Variants in ROR1 observed in about 807,000 individuals in gnomAD.
ROR1 encodes the protein ROR family WNT receptor 1, also known as inactive tyrosine-protein kinase transmembrane receptor ROR1.
ROR1 carries 19 observed loss-of-function variants against 78.8 expected under a neutral mutation model. The ratio of observed to expected loss-of-function variants is 0.24; its 90% CI spans 0.17 to 0.35. The LOEUF is 0.35. Ranked by LOEUF, ROR1 falls within the 10% of genes least tolerant of loss-of-function variation. The pLI, the probability that ROR1 is intolerant of heterozygous loss-of-function variation, is 1.00. For synonymous variants in ROR1, 386 were observed against 433.6 expected (o/e 0.89, Z 1.36); for missense variants, 917 against 1,177.8 (o/e 0.78, Z 3.24).
intron 1 of ROR1, among the ~76,000 whole-genome samples, chr1:63,852,949 G>T (rs145785658): frequency 1.3e-5 from 2 of 152,292 alleles, no homozygotes; most frequent in East Asian, 3.9e-4. Flanking sequence ...GCTCCACTCA[G>T]ATTTGGAAGA....
chr1:63,974,826 C>G (rs919375604), intron 1 of ROR1, among the ~76,000 whole-genome samples: 4 of 152,090 alleles, frequency 2.6e-5, no homozygotes, highest in Non-Finnish European at 5.9e-5. Flanking sequence ...TTTCTCATAT[C>G]TTTCTCTGAG....
At chr1:63,881,647 T>C (rs916708753) in intron 1 of ROR1, among the ~76,000 whole-genome samples, 1 of 152,224 alleles carries the variant, frequency 6.6e-6, no homozygotes, top group Non-Finnish European at 1.5e-5. Context: ...GGAAAATTTA[T>C]TTTTTAAATG....
intron 2 of ROR1, among the ~76,000 whole-genome samples, chr1:64,022,881 TG>T (rs1444814978): frequency 6.6e-6 from 1 of 152,218 alleles, no homozygotes; most frequent in Non-Finnish European, 1.5e-5. Flanking sequence ...TTTCTGTTGA[TG>T]TTGACATTGC....
chr1:64,034,749 A>C (rs575202920), intron 2 of ROR1, among the ~76,000 whole-genome samples: 1 of 152,304 alleles, frequency 6.6e-6, no homozygotes, highest in South Asian at 2.1e-4. Flanking sequence ...GATGTGTTTT[A>C]TTGTAAGTTT....
intron 1 of ROR1, among the ~76,000 whole-genome samples, chr1:63,890,697 G>A (rs182262861): frequency 1.4e-4 from 22 of 152,122 alleles, no homozygotes; most frequent in African/African-American, 5.3e-4. Flanking sequence ...GGGTGGTGGT[G>A]GAGGAGTTTC....
intron 4 of ROR1, chr1:64,106,457 C>T (rs1647814580): frequency 6.6e-6 from 1 of 152,102 alleles, no homozygotes; most frequent in African/African-American, 2.4e-5. Context: ...TTTTGTCTTT[C>T]TCTTGCCCGA....
intron 1 of ROR1, among the ~76,000 whole-genome samples, chr1:63,873,392 A>C (rs955579569): frequency 4.6e-5 from 7 of 152,280 alleles, no homozygotes; most frequent in African/African-American, 1.7e-4. Context: ...CCACTCCTCC[A>C]ACCCGTTCTT....
At chr1:63,818,867 A>G (rs1018496574) in intron 1 of ROR1, among the ~76,000 whole-genome samples, 4 of 152,140 alleles carry the variant, frequency 2.6e-5, no homozygotes, top group Admixed American at 6.5e-5. Flanking sequence ...AGAGAGGTTG[A>G]TTTCTGAGCT....
chr1:63,882,084 G>T lies in ROR1; in HGVS notation c.91+107576G>T, dbSNP rs7521739. Among the ~76,000 whole-genome samples, 4 of 152,164 alleles carry T rather than the reference G, an allele frequency of 2.6e-5. No homozygotes were observed. In the East Asian group the frequency reaches 7.7e-4, roughly 29 times the overall value. On this transcript the variant is annotated intron_variant, in intron 1 of 8. Coordinates refer to ENST00000371079, the MANE Select transcript of ROR1 (RefSeq NM_005012.4). ...TGGAGCAGAAAATAGCATCACAGGC[G>T]GTTGAAACTTTGAACTGAGACCTGA...
intron 1 of ROR1, among the ~76,000 whole-genome samples, chr1:63,998,766 G>A (rs189344861): frequency 1.6e-4 from 24 of 152,254 alleles, no homozygotes; most frequent in Admixed American, 5.9e-4. Flanking sequence ...AATCAATTTA[G>A]GAGGTTGATA....
chr1:63,943,665 C>G (rs1645859570), intron 1 of ROR1, among the ~76,000 whole-genome samples: 1 of 152,230 alleles, frequency 6.6e-6, no homozygotes, highest in Non-Finnish European at 1.5e-5. Flanking sequence ...CGCCACCAAG[C>G]TGGCTGGTCA....
Position 64,008,964 on chromosome 1 carries a change from A to G in ROR1, c.92-341A>G, listed in dbSNP as rs551778030. ...TTTAATGATAGCCATTCTGACTAGTATGAGATGGCATCTCATTGTGGTTTT... is the reference window on the plus strand; with the variant it reads ...TTTAATGATAGCCATTCTGACTAGTGTGAGATGGCATCTCATTGTGGTTTT... On this transcript the variant is annotated intron_variant, in intron 1 of 8. Transcript: ENST00000371079. Among the ~76,000 whole-genome samples the G allele has an allele frequency of 6.6e-5, 10 of 152,226 alleles. No homozygotes were observed. The South Asian group carries it at 2.1e-3, about 32-fold the overall frequency.
intron 1 of ROR1, among the ~76,000 whole-genome samples, chr1:63,820,082 A>G (rs532975512): frequency 5.3e-5 from 8 of 152,334 alleles, no homozygotes; most frequent in Admixed American, 3.9e-4. Flanking sequence ...TTTTTGAGCC[A>G]AAAGTTCCAA....
At chr1:63,974,265 A>G (rs986160114) in intron 1 of ROR1, among the ~76,000 whole-genome samples, 49 of 152,316 alleles carry the variant, frequency 3.2e-4, no homozygotes, top group Admixed American at 2.9e-3. Flanking sequence ...GCAAATCTCT[A>G]TCTCTCTGAG....
intron 1 of ROR1, among the ~76,000 whole-genome samples, chr1:63,981,613 A>T (rs1217674182): frequency 6.6e-6 from 1 of 152,106 alleles, no homozygotes; most frequent in African/African-American, 2.4e-5. Flanking sequence ...AGGCTGCTTC[A>T]TGATGTCTTG....
chr1:63,940,664 G>T (rs1645831593), intron 1 of ROR1, among the ~76,000 whole-genome samples: 2 of 152,168 alleles, frequency 1.3e-5, no homozygotes, highest in Non-Finnish European at 2.9e-5. Flanking sequence ...CCCTAGAATT[G>T]TTGGGCAAAA....
At chr1:63,895,335 G>C (rs1307667268) in intron 1 of ROR1, among the ~76,000 whole-genome samples, 1 of 152,170 alleles carries the variant, frequency 6.6e-6, no homozygotes, top group East Asian at 1.9e-4. Context: ...GTGGGATATA[G>C]TATTGTCTTT....
intron 1 of ROR1, among the ~76,000 whole-genome samples, chr1:63,921,620 G>A (rs962293649): frequency 7.9e-6 from 1 of 127,276 alleles, no homozygotes; most frequent in African/African-American, 2.9e-5. Context: ...AAAGTTAAAG[G>A]AAGAATGTAC....
rs190337273 is a variant in ROR1 at position 63,878,047 on chromosome 1, G to A, written c.91+103539G>A. Among the ~76,000 whole-genome samples, 461 of 152,196 alleles carry A rather than the reference G, an allele frequency of 3.0e-3. 2 individuals carry two copies. The highest frequency in any genetic ancestry group is 4.6e-3 in the Non-Finnish European group (313 of 68,002). On this transcript the variant is annotated intron_variant, in intron 1 of 8. Transcript: ENST00000371079. ...AGTGCTTTCCTTCAAGGACCTCTCC[G>A]GCATCTGGCTCAATCACATGCCATC...
Sources: gnomAD v4.1 joint callset for allele counts (sites outside exome capture counted in the v4.1 genomes callset) on GRCh38, gnomAD v4.1.1 for gene constraint, MANE v1.5 for transcripts, NCBI Gene and HGNC (gene_info 2026-07-23, HGNC 2026-07-21) for gene names.